The following ABTB3 variants were observed in gnomAD, a reference collection of about 807,000 sequenced individuals.
ABTB3 encodes the protein ankyrin repeat- and BTB/POZ domain-containing protein 3.
the ABTB3 span, among the ~76,000 whole-genome samples, chr12:107,464,143 A>G: frequency 6.6e-6 from 1 of 151,772 alleles, no homozygotes; most frequent in East Asian, 1.9e-4. Flanking sequence ...GACTCCTGTT[A>G]GATGTGGACT....
the ABTB3 span, among the ~76,000 whole-genome samples, chr12:107,385,235 C>T: frequency 2.6e-5 from 4 of 152,222 alleles, no homozygotes; most frequent in Admixed American, 1.3e-4. Context: ...CGAACAGGCT[C>T]TGTCCTCATG....
At chr12:107,414,635 G>A in the ABTB3 span, among the ~76,000 whole-genome samples, 16 of 151,386 alleles carry the variant, frequency 1.1e-4, no homozygotes, top group African/African-American at 3.9e-4. Context: ...TTTGCACCCC[G>A]TTTTGAGGCC....
the ABTB3 span, among the ~76,000 whole-genome samples, chr12:107,502,396 A>G: frequency 1.3e-5 from 2 of 151,900 alleles, no homozygotes; most frequent in Admixed American, 6.6e-5. Context: ...AAAACTCCCC[A>G]CGTTATTCTC....
chr12:107,414,039 C>T, the ABTB3 span, among the ~76,000 whole-genome samples: 1 of 152,000 alleles, frequency 6.6e-6, no homozygotes, highest in South Asian at 2.1e-4. Flanking sequence ...GAAGGTCATA[C>T]GAAGTATGGA....
At chr12:107,431,675 G>T in the ABTB3 span, among the ~76,000 whole-genome samples, 3 of 152,078 alleles carry the variant, frequency 2.0e-5, no homozygotes, top group Non-Finnish European at 4.4e-5. Context: ...TGTGACTTTT[G>T]TGGGGTGGGG....
the ABTB3 span, among the ~76,000 whole-genome samples, chr12:107,482,992 C>CTTT: frequency 3.0e-4 from 23 of 75,610 alleles, no homozygotes; most frequent in African/African-American, 1.5e-3. Context: ...TTCTTTCCTT[C>CTTT]CTTCCTTCCT....
chr12:107,618,428 G>A, the ABTB3 span: 2 of 1,508,180 alleles, frequency 1.3e-6, no homozygotes, highest in Admixed American at 1.9e-5. Flanking sequence ...CCCAGCTTTA[G>A]GTCCACACAC....
the ABTB3 span, among the ~76,000 whole-genome samples, chr12:107,475,068 G>A: frequency 6.6e-6 from 1 of 152,176 alleles, no homozygotes; most frequent in African/African-American, 2.4e-5. Flanking sequence ...TTTTTTAAGT[G>A]TGCATCCTGT....
At chr12:107,407,979 C>T in the ABTB3 span, among the ~76,000 whole-genome samples, 1 of 152,038 alleles carries the variant, frequency 6.6e-6, no homozygotes. Flanking sequence ...ATGCTTCCCC[C>T]CAACCCCCAA....
At chr12:107,608,286 A>AT in the ABTB3 span, among the ~76,000 whole-genome samples, 6 of 152,124 alleles carry the variant, frequency 3.9e-5, no homozygotes, top group South Asian at 6.3e-4. Flanking sequence ...GCTCTATCAC[A>AT]TCTCCCGGCC....
chr12:107,451,667 C>T, the ABTB3 span, among the ~76,000 whole-genome samples: 1 of 151,870 alleles, frequency 6.6e-6, no homozygotes, highest in Non-Finnish European at 1.5e-5. Context: ...TTCTCCACCC[C>T]CACCTTTCCT....
chr12:107,567,754 C>T, the ABTB3 span, among the ~76,000 whole-genome samples: 22,368 of 152,200 alleles, frequency 0.15, 1,909 homozygotes, highest in East Asian at 0.25. Context: ...TTGTGAACTA[C>T]GCATGCAAGC....
chr12:107,366,147 G>A, the ABTB3 span, among the ~76,000 whole-genome samples: 28,648 of 152,114 alleles, frequency 0.19, 3,257 homozygotes, highest in East Asian at 0.32. Flanking sequence ...CCAGCTGGTT[G>A]GTCCCTTTTT....
the ABTB3 span, among the ~76,000 whole-genome samples, chr12:107,606,999 G>C: frequency 6.6e-6 from 1 of 152,062 alleles, no homozygotes; most frequent in Non-Finnish European, 1.5e-5. Context: ...AGGGATCATT[G>C]GTCCCTTGGA....
the ABTB3 span, among the ~76,000 whole-genome samples, chr12:107,426,836 T>C: frequency 7.1e-4 from 108 of 152,242 alleles, no homozygotes; most frequent in Non-Finnish European, 1.1e-3. Flanking sequence ...GATTCTGTCC[T>C]CTTAAGTCCT....
chr12:107,529,244 GAT>G, the ABTB3 span, among the ~76,000 whole-genome samples: 1 of 151,018 alleles, frequency 6.6e-6, no homozygotes, highest in East Asian at 2.0e-4. Context: ...TAATGATGGA[GAT>G]GATGATGGTG....
the ABTB3 span, among the ~76,000 whole-genome samples, chr12:107,382,617 G>T: frequency 2.0e-5 from 3 of 152,090 alleles, no homozygotes; most frequent in Non-Finnish European, 4.4e-5. Flanking sequence ...GCAGGGACAC[G>T]GATGAAGCTG....
chr12:107,464,547 G>C, the ABTB3 span, among the ~76,000 whole-genome samples: 1 of 152,228 alleles, frequency 6.6e-6, no homozygotes, highest in African/African-American at 2.4e-5. Context: ...CTGACCTCAA[G>C]CAATTCTTCT....
the ABTB3 span, chr12:107,520,716 C>T: frequency 1.0e-5 from 16 of 1,554,448 alleles, no homozygotes; most frequent in Non-Finnish European, 1.3e-5. Flanking sequence ...TGTCCTCATG[C>T]CAACCCCTCA....
Sources: allele counts gnomAD v4.1 joint callset (sites outside exome capture counted in the v4.1 genomes callset), GRCh38; gene constraint gnomAD v4.1.1; transcripts MANE v1.5; gene names NCBI Gene and HGNC (gene_info 2026-07-23, HGNC 2026-07-21).